The following UPP1 variants were observed in gnomAD, a reference collection of about 807,000 sequenced individuals.
The protein encoded by UPP1 is UPase 1.
A neutral mutation model predicts 29.6 loss-of-function variants in UPP1; 25 were observed. That is an observed-to-expected ratio of 0.85 (90% confidence interval 0.62 to 1.18). UPP1 has a LOEUF of 1.18. Ranked by LOEUF, UPP1 falls within the 50% of genes most tolerant of loss-of-function variation. The pLI, the probability that UPP1 is intolerant of heterozygous loss-of-function variation, is 0.00. For missense variants in UPP1, 368 were observed against 410.4 expected, an observed-to-expected ratio of 0.90 and a Z score of 0.89; for synonymous variants, 165 against 159.8, an observed-to-expected ratio of 1.03 and a Z score of -0.25.
intron 2 of UPP1, among the ~76,000 whole-genome samples, chr7:48,092,244 G>T (rs1791879250): frequency 6.6e-6 from 1 of 152,150 alleles, no homozygotes; most frequent in Non-Finnish European, 1.5e-5. Flanking sequence ...GAATGTTCCT[G>T]CCCCACAGAA....
chr7:48,102,049 C>T (rs1214256506), intron 5 of UPP1, 67 bp downstream of exon 5: 7 of 1,532,708 alleles, frequency 4.6e-6, no homozygotes, highest in Non-Finnish European at 6.2e-6. Flanking sequence ...CACCCCTCTG[C>T]ACACACAGAC....
intron 2 of UPP1, among the ~76,000 whole-genome samples, chr7:48,090,777 ATTT>A (rs935603601): frequency 6.6e-6 from 1 of 151,954 alleles, no homozygotes; most frequent in Non-Finnish European, 1.5e-5. Flanking sequence ...CTCTTACATT[ATTT>A]CTTTTTTCAG....
At chr7:48,095,655 T>G (rs1792090199) in intron 3 of UPP1, among the ~76,000 whole-genome samples, 1 of 152,150 alleles carries the variant, frequency 6.6e-6, no homozygotes, top group African/African-American at 2.4e-5. Context: ...GTGATTTTTT[T>G]TTTTTGAGAT....
intron 5 of UPP1, 105 bp from the exon 6 acceptor site, chr7:48,103,192 A>G (rs1030921028): frequency 3.8e-6 from 3 of 792,424 alleles, no homozygotes; most frequent in Non-Finnish European, 6.5e-6. Flanking sequence ...TTTCATCACT[A>G]TGTCAATGGG....
rs1447878349 is a variant in UPP1, at chr7:48,108,236, CCCTCCTGAA to C, written c.815_823del (p.Leu272_Asn274del). The C allele has an allele frequency of 1.2e-5, 19 of 1,613,232 alleles. No individual in the cohort carries two copies. Among genetic ancestry groups the C allele is most frequent in the Non-Finnish European group, 8.5e-7 (1 of 1,179,864 alleles). On this transcript the variant is annotated inframe_deletion, in exon 9 of 9. Coordinates refer to ENST00000395564, the MANE Select transcript of UPP1 (RefSeq NM_003364.4). ...TTTGCAGCGGCCGTGGTGTGTGTCACCCTCCTGAACCGCCTGGAAGGGGACCAGATCAGC... is the reference window on the plus strand; with the variant it reads ...TTTGCAGCGGCCGTGGTGTGTGTCACCCGCCTGGAAGGGGACCAGATCAGC...
chr7:48,097,882 AC>A (rs1369946931), intron 3 of UPP1, among the ~76,000 whole-genome samples: 1 of 152,208 alleles, frequency 6.6e-6, no homozygotes, highest in Non-Finnish European at 1.5e-5. Flanking sequence ...GATGGTCCTT[AC>A]CACACGTGAT....
At chr7:48,099,611 A>G (rs1792308661) in intron 3 of UPP1, 59 bp from the exon 4 acceptor site, 1 of 1,202,600 alleles carries the variant, frequency 8.3e-7, no homozygotes, top group Admixed American at 1.7e-5. Flanking sequence ...CTTCTGTGAT[A>G]ATGTCGGCTG....
chr7:48,102,059 C>T (rs1583872900), intron 5 of UPP1, 77 bp downstream of exon 5: 1 of 1,498,168 alleles, frequency 6.7e-7, no homozygotes, highest in Non-Finnish European at 9.0e-7. Context: ...CACACACAGA[C>T]AGCTGGTCCC....
At chr7:48,093,204 A>C (rs946689763) in intron 2 of UPP1, among the ~76,000 whole-genome samples, 16 of 152,192 alleles carry the variant, frequency 1.1e-4, no homozygotes, top group African/African-American at 3.9e-4. Context: ...ATTTTTCTCC[A>C]CACCTAACAA....
In UPP1 at chr7:48,107,346, C is replaced by G. The variant is rs776064508; in HGVS notation, c.647-15C>G. 1.2e-6 allele frequency: 2 copies of G among 1,604,256 alleles called. No homozygotes were observed. The highest frequency in any genetic ancestry group is 2.2e-5 in the South Asian group (2 of 90,204). On this transcript the variant is annotated splice_polypyrimidine_tract_variant and intron_variant, in intron 7 of 8. Transcript: ENST00000395564. ...TCACATGCATGTGGTTCTCATGTCT[C>G]CATGTGTGCCTCAGGGCAAGGCCGT...
intron 6 of UPP1, chr7:48,106,368 T>C (rs1391397902): frequency 6.3e-6 from 1 of 157,800 alleles, no homozygotes; most frequent in Non-Finnish European, 1.4e-5. Context: ...TGGAGTGCAG[T>C]GGCGTGATCT....
intron 6 of UPP1, chr7:48,104,677 A>G (rs1330289863): frequency 1.3e-5 from 2 of 152,196 alleles, no homozygotes; most frequent in African/African-American, 4.8e-5. Context: ...GATGCATAAA[A>G]TCTGTGTTTG....
At chr7:48,108,082 G>A (rs1029605078) in intron 8 of UPP1, 136 bp from the exon 9 acceptor site, 22 of 1,327,266 alleles carry the variant, frequency 1.7e-5, no homozygotes, top group African/African-American at 4.4e-5. Flanking sequence ...CTCCGGCCCC[G>A]CCTGACTGCA....
rs956691821 is a variant in UPP1 at position 48,108,419 on chromosome 7, A to G, written c.*62A>G. 6.4e-7 allele frequency: 1 copy of G among 1,561,640 alleles called. No homozygotes were observed. The highest frequency in any genetic ancestry group is 8.7e-7 in the Non-Finnish European group (1 of 1,145,250). Reference sequence around the variant, plus strand: ...CTTGCCATTAAAAGCATTGTCCAAAATCCCCTGTTGTGTGGACTTTGAGCA... The same window carrying G: ...CTTGCCATTAAAAGCATTGTCCAAAGTCCCCTGTTGTGTGGACTTTGAGCA... On this transcript the variant is annotated 3_prime_UTR_variant, in exon 9 of 9. Transcript: ENST00000395564.
chr7:48,091,488 A>G (rs2128807587), intron 2 of UPP1, among the ~76,000 whole-genome samples: 1 of 152,338 alleles, frequency 6.6e-6, no homozygotes, highest in African/African-American at 2.4e-5. Flanking sequence ...ATGGCTTTCT[A>G]GAGAGGTGAG....
intron 2 of UPP1, among the ~76,000 whole-genome samples, chr7:48,092,307 C>T (rs1334917093): frequency 6.6e-6 from 1 of 152,178 alleles, no homozygotes; most frequent in Admixed American, 6.5e-5. Flanking sequence ...CTTCTTCCCT[C>T]AGTCGGTAGG....
chr7:48,096,412 G>A (rs1013517700), intron 3 of UPP1, among the ~76,000 whole-genome samples: 9 of 152,144 alleles, frequency 5.9e-5, no homozygotes, highest in Non-Finnish European at 1.3e-4. Context: ...ACCCCAAGTC[G>A]AAAGCCTTCC....
chr7:48,103,247 T>A, intron 5 of UPP1, 50 bp from the exon 6 acceptor site: 1 of 1,430,850 alleles, frequency 7.0e-7, no homozygotes, highest in East Asian at 2.3e-5. Context: ...GCCAGAACAT[T>A]GACAAAGTCA....
chr7:48,104,705 G>A (rs1179498797), intron 6 of UPP1: 1 of 152,204 alleles, frequency 6.6e-6, no homozygotes, highest in African/African-American at 2.4e-5. Flanking sequence ...GTAATTCCAA[G>A]TTTAGCGAAA....
Sources: gnomAD v4.1 joint callset for allele counts (sites outside exome capture counted in the v4.1 genomes callset) on GRCh38, gnomAD v4.1.1 for gene constraint, MANE v1.5 for transcripts, NCBI Gene and HGNC (gene_info 2026-07-23, HGNC 2026-07-21) for gene names.